The following BRD10 variants were observed in gnomAD, a reference collection of about 807,000 sequenced individuals.
BRD10 encodes bromodomain containing 10, also known as uncharacterized bromodomain-containing protein 10.
chr9:5,943,265 G>A, the BRD10 span, among the ~76,000 whole-genome samples: 22 of 152,096 alleles, frequency 1.4e-4, no homozygotes, highest in Non-Finnish European at 2.8e-4. Flanking sequence ...AATGCTTGCA[G>A]AAGTCTTTTT....
chr9:5,965,056 T>TA, the BRD10 span, among the ~76,000 whole-genome samples: 127 of 118,248 alleles, frequency 1.1e-3, 1 homozygote, highest in East Asian at 5.6e-3. Flanking sequence ...TAAAGTATAA[T>TA]AAAAAAAAAA....
At chr9:5,944,620 G>A in the BRD10 span, among the ~76,000 whole-genome samples, 27 of 151,970 alleles carry the variant, frequency 1.8e-4, no homozygotes, top group African/African-American at 6.5e-4. Context: ...CCAGTATACT[G>A]GGAAATATCT....
chr9:5,982,393 C>T, the BRD10 span, among the ~76,000 whole-genome samples: 8 of 152,110 alleles, frequency 5.3e-5, no homozygotes, highest in Admixed American at 6.6e-5. Context: ...CTCCAAAACT[C>T]GTGTTGAAAT....
At chr9:5,899,330 C>T in the BRD10 span, 1 of 152,152 alleles carries the variant, frequency 6.6e-6, no homozygotes, top group South Asian at 2.1e-4. Flanking sequence ...GTGAGAGATA[C>T]AACTCTGGAT....
the BRD10 span, among the ~76,000 whole-genome samples, chr9:5,908,109 T>G: frequency 6.6e-6 from 1 of 152,254 alleles, no homozygotes; most frequent in East Asian, 1.9e-4. Context: ...TTACTAGTTG[T>G]GTGACCATGG....
the BRD10 span, among the ~76,000 whole-genome samples, chr9:5,986,048 GT>G: frequency 2.6e-5 from 4 of 152,156 alleles, no homozygotes; most frequent in Non-Finnish European, 4.4e-5. Context: ...TGCCATGGTG[GT>G]TTGCTGCACC....
At chr9:5,891,215 T>G in the BRD10 span, 4 of 152,360 alleles carry the variant, frequency 2.6e-5, no homozygotes, top group African/African-American at 9.6e-5. Flanking sequence ...TGTGTTCTCC[T>G]GTCACTTAAA....
the BRD10 span, among the ~76,000 whole-genome samples, chr9:5,950,583 A>G: frequency 0.011 from 1,657 of 152,324 alleles, 20 homozygotes; most frequent in African/African-American, 0.034. Context: ...GGATGAAACC[A>G]ACAATCTTCA....
the BRD10 span, chr9:5,922,787 C>T: frequency 6.2e-7 from 1 of 1,614,000 alleles, no homozygotes. Context: ...CCACTGGCCA[C>T]AGGGCATTTT....
chr9:5,986,735 T>A, the BRD10 span, among the ~76,000 whole-genome samples: 9 of 152,348 alleles, frequency 5.9e-5, no homozygotes, highest in African/African-American at 2.2e-4. Context: ...GTTACTATGA[T>A]ATTTAACAGA....
the BRD10 span, among the ~76,000 whole-genome samples, chr9:5,973,062 G>C: frequency 1.3e-5 from 2 of 152,072 alleles, no homozygotes; most frequent in Non-Finnish European, 2.9e-5. Flanking sequence ...AAAGCACAAA[G>C]ATAGGGGAAA....
chr9:5,954,130 T>G, the BRD10 span: 7 of 1,167,350 alleles, frequency 6.0e-6, no homozygotes, highest in Non-Finnish European at 8.7e-6. Flanking sequence ...TTCATAATGC[T>G]GTTTATAGCA....
At chr9:5,966,594 G>C in the BRD10 span, among the ~76,000 whole-genome samples, 1 of 150,706 alleles carries the variant, frequency 6.6e-6, no homozygotes, top group Middle Eastern at 3.4e-3. Context: ...CGAGTAGCTG[G>C]GACTATAGGC....
the BRD10 span, among the ~76,000 whole-genome samples, chr9:5,928,414 C>A: frequency 6.6e-6 from 1 of 152,134 alleles, no homozygotes; most frequent in Non-Finnish European, 1.5e-5. Flanking sequence ...TGCTTAAAAC[C>A]CTTCAATGGC....
At chr9:6,007,980 C>CA in the BRD10 span, 1 of 1,287,926 alleles carries the variant, frequency 7.8e-7, no homozygotes, top group Admixed American at 4.2e-5. Flanking sequence ...GGCGGGGTTA[C>CA]ATGGCGCGCG....
the BRD10 span, among the ~76,000 whole-genome samples, chr9:5,911,687 C>T: frequency 6.6e-6 from 1 of 151,376 alleles, no homozygotes; most frequent in Non-Finnish European, 1.5e-5. Flanking sequence ...GGTGTGTGCC[C>T]CCATGCCCAG....
the BRD10 span, among the ~76,000 whole-genome samples, chr9:5,943,461 C>T: frequency 1.3e-4 from 19 of 149,272 alleles, no homozygotes; most frequent in Admixed American, 2.0e-4. Context: ...ACAACCTCTG[C>T]AAAAAACAGT....
At chr9:5,915,401 CA>C in the BRD10 span, among the ~76,000 whole-genome samples, 1 of 152,218 alleles carries the variant, frequency 6.6e-6, no homozygotes, top group Non-Finnish European at 1.5e-5. Flanking sequence ...AGCAATCCTG[CA>C]AGGTAATTGT....
the BRD10 span, among the ~76,000 whole-genome samples, chr9:5,974,535 T>A: frequency 6.6e-6 from 1 of 151,892 alleles, no homozygotes; most frequent in South Asian, 2.1e-4. Flanking sequence ...CTTGAAAGAG[T>A]ATCCAGATCA....
Sources: gnomAD v4.1 joint callset for allele counts (sites outside exome capture counted in the v4.1 genomes callset) on GRCh38, gnomAD v4.1.1 for gene constraint, MANE v1.5 for transcripts, NCBI Gene and HGNC (gene_info 2026-07-23, HGNC 2026-07-21) for gene names.